COL23A1: variants seen among roughly 807,000 people sequenced by gnomAD.
COL23A1 encodes the protein collagen alpha-1(XXIII) chain.
Under a neutral mutation model 99.3 loss-of-function variants are expected in COL23A1, and 97 were observed. The ratio of observed to expected loss-of-function variants is 0.98; its 90% CI spans 0.83 to 1.16. The LOEUF (loss-of-function observed/expected upper bound fraction) is 1.16. Among genes scored for constraint, COL23A1 ranks in the 50% most tolerant of loss-of-function variants. COL23A1 has a pLI of 0.00. For missense variants in COL23A1, 762 were observed against 757.4 expected, an observed-to-expected ratio of 1.01 and a Z score of -0.07; for synonymous variants, 320 against 308.2, an observed-to-expected ratio of 1.04 and a Z score of -0.40.
chr5:178,347,522 A>C (rs181348123), intron 2 of COL23A1, among the ~76,000 whole-genome samples: 623 of 150,332 alleles, frequency 4.1e-3, no homozygotes, highest in South Asian at 7.8e-3. Context: ...CAGTGTGTGA[A>C]TACACTAAAA....
intron 2 of COL23A1, among the ~76,000 whole-genome samples, chr5:178,355,056 CA>C (rs57506588): frequency 0.02 from 2,331 of 117,332 alleles, 24 homozygotes; most frequent in East Asian, 0.058. Flanking sequence ...GACTTTGTCT[CA>C]AAAAAAAAAA....
At chr5:178,271,030 G>A (rs887360268) in intron 5 of COL23A1, among the ~76,000 whole-genome samples, 2 of 152,194 alleles carry the variant, frequency 1.3e-5, no homozygotes, top group Non-Finnish European at 2.9e-5. Flanking sequence ...CAGTAAAGCT[G>A]GAGAGAAGCC....
intron 2 of COL23A1, among the ~76,000 whole-genome samples, chr5:178,518,972 T>C (rs1404640410): frequency 6.7e-6 from 1 of 148,868 alleles, no homozygotes; most frequent in Admixed American, 6.7e-5. Context: ...CCGCTTCATA[T>C]CTGCAGCTGG....
rs755388425 is a variant in COL23A1 at position 178,428,639 on chromosome 5, C to T, written c.362-121720G>A. 6.6e-6 allele frequency among the ~76,000 whole-genome samples: 1 copy of T among 152,234 alleles called. No individual in the cohort carries two copies. Among genetic ancestry groups the T allele is most frequent in the African/African-American group, 2.4e-5 (1 of 41,464 alleles). On this transcript the variant is annotated intron_variant, in intron 2 of 28. Transcript: ENST00000390654. The surrounding 1 kb of genome is among the most constrained non-coding windows in gnomAD (Gnocchi z 5.0). ...CCAGGATGGCAGCCTCTTCTCCTGA[C>T]CTCATTATGTCAGCGCCCGGATTGT...
At position 178,423,365 on chromosome 5, in the gene COL23A1, C is replaced by T. The variant is rs542240386; in HGVS notation, c.362-116446G>A. Among the ~76,000 whole-genome samples, 139 of 152,212 alleles carry T rather than the reference C, an allele frequency of 9.1e-4. 3 individuals are homozygous for T. Among genetic ancestry groups the T allele is most frequent in the Admixed American group, 8.8e-3 (134 of 15,290 alleles). ...TGGTAATCCTGGCAGCAGGAGGACC[C>T]GCAGCTCCCCGTCAGCCATGTGATC... On this transcript the variant is annotated intron_variant, in intron 2 of 28. Transcript: ENST00000390654.
intron 2 of COL23A1, among the ~76,000 whole-genome samples, chr5:178,418,084 C>T (rs1765409538): frequency 6.6e-6 from 1 of 152,216 alleles, no homozygotes; most frequent in South Asian, 2.1e-4. Flanking sequence ...CACTCATGTG[C>T]CCTGATTCAA....
intron 2 of COL23A1, among the ~76,000 whole-genome samples, chr5:178,535,740 G>A (rs1760902981): frequency 6.6e-6 from 1 of 152,280 alleles, no homozygotes; most frequent in African/African-American, 2.4e-5. Context: ...CCAGCACGAA[G>A]TGCACAGAGC....
chr5:178,242,266 T>C lies in COL23A1; in HGVS notation c.1494+75A>G, dbSNP rs1324806127. On this transcript the variant is annotated intron_variant, in intron 26 of 28. Coordinates refer to ENST00000390654, the MANE Select transcript of COL23A1 (RefSeq NM_173465.4). ...CCCGGCCTGGGTTCTCTCTACCTGC[T>C]TCACCTGAGCCTCCACTCCCACCTG... is the stretch of plus-strand genomic sequence containing the variant. 81 of 1,540,664 alleles carry C rather than the reference T, an allele frequency of 5.3e-5. 2 individuals are homozygous for C. The South Asian group carries it at 8.9e-4, about 17-fold the overall frequency.
chr5:178,290,446 C>CA, intron 3 of COL23A1, 77 bp from the exon 4 acceptor site: 1 of 1,591,010 alleles, frequency 6.3e-7, no homozygotes, highest in South Asian at 1.1e-5. Flanking sequence ...ACGGTCCCCT[C>CA]ACCTGTCCTC....
intron 2 of COL23A1, among the ~76,000 whole-genome samples, chr5:178,403,253 C>A (rs2127768284): frequency 6.6e-6 from 1 of 152,194 alleles, no homozygotes; most frequent in African/African-American, 2.4e-5. Context: ...TTACATTAGC[C>A]CCAATTTACT....
At chr5:178,301,866 C>T (rs1758054205) in intron 3 of COL23A1, among the ~76,000 whole-genome samples, 1 of 145,252 alleles carries the variant, frequency 6.9e-6, no homozygotes, top group South Asian at 2.2e-4. Context: ...AATGCTGCAC[C>T]TCGCACAGCA....
intron 4 of COL23A1, 77 bp downstream of exon 4, chr5:178,290,285 T>C (rs1561830713): frequency 1.9e-6 from 3 of 1,606,808 alleles, no homozygotes; most frequent in Non-Finnish European, 1.7e-6. Context: ...ACCAAAATTA[T>C]GTTCATGGAA....
intron 2 of COL23A1, among the ~76,000 whole-genome samples, chr5:178,495,321 G>A (rs754720951): frequency 1.3e-5 from 2 of 152,196 alleles, no homozygotes; most frequent in Admixed American, 6.5e-5. Context: ...GGTTACAGAG[G>A]TTAATATTCT....
chr5:178,241,045 G>A (rs10039093), intron 27 of COL23A1, among the ~76,000 whole-genome samples: 16,831 of 152,166 alleles, frequency 0.11, 1,227 homozygotes, highest in African/African-American at 0.2. Context: ...CAGCCTGGAC[G>A]ACATTGCAAG....
intron 2 of COL23A1, among the ~76,000 whole-genome samples, chr5:178,400,514 C>T (rs977011395): frequency 1.6e-4 from 24 of 151,782 alleles, no homozygotes; most frequent in Non-Finnish European, 2.9e-4. Flanking sequence ...TTCTCTGTTT[C>T]TATAGTTTTC....
In COL23A1 at chr5:178,366,088, C is replaced by T. The variant is rs912146687; in HGVS notation, c.362-59169G>A. Among the ~76,000 whole-genome samples the T allele has an allele frequency of 1.3e-5, 2 of 152,162 alleles. No individual in the cohort carries two copies. Among genetic ancestry groups the T allele is most frequent in the African/African-American group, 4.8e-5 (2 of 41,444 alleles). ...TGATCATCTGCCGCTGTGTCCTCAG[C>T]ATCTGGCCCAGCCCCATGGGGACCA... On this transcript the variant is annotated intron_variant, in intron 2 of 28. Coordinates refer to ENST00000390654, the MANE Select transcript of COL23A1 (RefSeq NM_173465.4). This position sits in a 1 kb window ranked among gnomAD's most constrained non-coding sequence, Gnocchi z 4.4.
At chr5:178,563,526 C>CTT (rs779487808) in intron 1 of COL23A1, among the ~76,000 whole-genome samples, 29,557 of 83,168 alleles carry the variant, frequency 0.36, 7,094 homozygotes, top group African/African-American at 0.46. Context: ...TCAGAACTCA[C>CTT]TTTTTTTTTT....
chr5:178,492,089 C>G (rs989107862), intron 2 of COL23A1, among the ~76,000 whole-genome samples: 1 of 152,132 alleles, frequency 6.6e-6, no homozygotes, highest in Non-Finnish European at 1.5e-5. Flanking sequence ...ATTTAATATT[C>G]TATTCAAATA....
rs1240413176 is a variant in COL23A1 at position 178,468,002 on chromosome 5, G to A, written c.361+92680C>T. 6.6e-6 allele frequency among the ~76,000 whole-genome samples: 1 copy of A among 152,186 alleles called. No homozygotes were observed. The highest frequency in any genetic ancestry group is 2.4e-5 in the African/African-American group (1 of 41,432). ...ACCACTGAGAAGGAACTGGAAGGCG[G>A]CGATGCTCTCTGGAGCGGACAGGCG... On this transcript the variant is annotated intron_variant, in intron 2 of 28. Transcript: ENST00000390654. This position sits in a 1 kb window ranked among gnomAD's most constrained non-coding sequence, Gnocchi z 4.2.
Sources: gnomAD v4.1 joint callset for allele counts (sites outside exome capture counted in the v4.1 genomes callset) on GRCh38, gnomAD v4.1.1 for gene constraint, Gnocchi (gnomAD v3.1) non-coding constraint, MANE v1.5 for transcripts, NCBI Gene and HGNC (gene_info 2026-07-23, HGNC 2026-07-21) for gene names.